The following GALNT13 variants were observed in gnomAD, a reference collection of about 807,000 sequenced individuals.
The protein encoded by GALNT13 is UDP-GalNAc:polypeptide N-acetylgalactosaminyltransferase 13.
A neutral mutation model predicts 64.2 loss-of-function variants in GALNT13; 28 were observed. The observed-to-expected ratio is 0.44, with a 90% CI of 0.32 to 0.60. GALNT13 has a LOEUF of 0.60. Ranked by LOEUF, GALNT13 falls within the 20% of genes least tolerant of loss-of-function variation. The pLI is 0.05. For missense variants in GALNT13, 577 were observed against 669.8 expected, an observed-to-expected ratio of 0.86 and a Z score of 1.53; for synonymous variants, 214 against 224.6, an observed-to-expected ratio of 0.95 and a Z score of 0.42.
chr2:153,585,599 G>A, the GALNT13 span, among the ~76,000 whole-genome samples: 2 of 152,088 alleles, frequency 1.3e-5, no homozygotes, highest in Non-Finnish European at 2.9e-5. Flanking sequence ...CAAATATAAT[G>A]TAAAAAACGA....
the GALNT13 span, among the ~76,000 whole-genome samples, chr2:153,391,732 G>GT: frequency 7.9e-5 from 12 of 151,558 alleles, no homozygotes; most frequent in South Asian, 2.1e-4. Flanking sequence ...TTCGAGAGGT[G>GT]TTTTTTTTAG....
At chr2:154,351,460 G>T (rs139673118) in intron 9 of GALNT13, among the ~76,000 whole-genome samples, 9,999 of 151,978 alleles carry the variant, frequency 0.066, 389 homozygotes, top group African/African-American at 0.088. Flanking sequence ...GAGACAGGCG[G>T]ATCACGAGGT....
intron 4 of GALNT13, among the ~76,000 whole-genome samples, chr2:154,233,074 A>G (rs946271328): frequency 4.6e-5 from 7 of 151,780 alleles, no homozygotes; most frequent in Non-Finnish European, 8.8e-5. Flanking sequence ...GAAAAGAAAA[A>G]AAGTACAAAT....
At chr2:153,537,945 A>T in the GALNT13 span, among the ~76,000 whole-genome samples, 1 of 152,168 alleles carries the variant, frequency 6.6e-6, no homozygotes, top group Non-Finnish European at 1.5e-5. Flanking sequence ...CTAATATACT[A>T]CATTGGTACC....
the GALNT13 span, among the ~76,000 whole-genome samples, chr2:153,083,624 G>A: frequency 1.3e-5 from 2 of 152,006 alleles, no homozygotes; most frequent in Non-Finnish European, 2.9e-5. Context: ...GTTTCCTGTA[G>A]ATTCTGGATA....
At chr2:153,417,511 G>A in the GALNT13 span, among the ~76,000 whole-genome samples, 1 of 152,202 alleles carries the variant, frequency 6.6e-6, no homozygotes, top group Non-Finnish European at 1.5e-5. Flanking sequence ...GCTTGGATGA[G>A]TCTGCCTGGG....
In GALNT13 at chr2:154,450,744, A is replaced by G. The variant is rs1006185403; in HGVS notation, c.*193A>G. 2 of 493,284 alleles carry G rather than the reference A, an allele frequency of 4.1e-6. No individual in the cohort carries two copies. Among genetic ancestry groups the G allele is most frequent in the Non-Finnish European group, 7.0e-6 (2 of 284,110 alleles). The allele number at this position is 493,284 out of a possible 1,614,324, so 30.6% of individuals were successfully genotyped here. A position where few individuals can be genotyped will look rare whatever the true frequency, so the allele number is the denominator to read the frequency against. Reference sequence around the variant, plus strand: ...TAAAATTTGTATCTGATCAAAGCACATAAGAATATAAATAATAGCAAACTA... The same window carrying G: ...TAAAATTTGTATCTGATCAAAGCACGTAAGAATATAAATAATAGCAAACTA... On this transcript the variant is annotated 3_prime_UTR_variant, in exon 13 of 13. Coordinates refer to ENST00000392825, the MANE Select transcript of GALNT13 (RefSeq NM_052917.4).
chr2:153,262,862 G>A, the GALNT13 span, among the ~76,000 whole-genome samples: 1 of 152,000 alleles, frequency 6.6e-6, no homozygotes, highest in South Asian at 2.1e-4. Context: ...TGGGAAAAAG[G>A]TGGAAGCATT....
chr2:153,650,272 G>T, the GALNT13 span, among the ~76,000 whole-genome samples: 1 of 152,154 alleles, frequency 6.6e-6, no homozygotes, highest in East Asian at 1.9e-4. Flanking sequence ...TTTTATCAGA[G>T]ACTAGGATTG....
chr2:153,814,961 A>T, the GALNT13 span, among the ~76,000 whole-genome samples: 25 of 152,246 alleles, frequency 1.6e-4, no homozygotes, highest in Admixed American at 2.6e-4. Context: ...CTGTCAAAAA[A>T]TTTTTCTGCA....
At chr2:154,014,670 TC>T (rs2105258946) in intron 3 of GALNT13, among the ~76,000 whole-genome samples, 1 of 132,606 alleles carries the variant, frequency 7.5e-6, no homozygotes, top group South Asian at 2.6e-4. Context: ...TCTTGTGCTT[TC>T]TCCCAGGCTG....
At chr2:153,790,868 TA>T in the GALNT13 span, among the ~76,000 whole-genome samples, 1 of 151,892 alleles carries the variant, frequency 6.6e-6, no homozygotes, top group African/African-American at 2.4e-5. Context: ...CAAAAAGAAA[TA>T]AAATACTTAG....
Position 154,374,326 on chromosome 2 carries a change from A to G in GALNT13, c.1157-21665A>G, listed in dbSNP as rs182346039. On this transcript the variant is annotated intron_variant, in intron 9 of 12. Coordinates refer to ENST00000392825, the MANE Select transcript of GALNT13 (RefSeq NM_052917.4). ...AAGTTGTGGTAGTTGTTGTTTTTCA[A>G]ATCTTAATTAAGCACTATTGCCTTT... Among the ~76,000 whole-genome samples the G allele has an allele frequency of 1.5e-3, 222 of 152,290 alleles. 2 individuals are homozygous for G. The highest frequency in any genetic ancestry group is 4.6e-3 in the African/African-American group (193 of 41,558).
intron 4 of GALNT13, among the ~76,000 whole-genome samples, chr2:154,205,702 G>A (rs1250787598): frequency 6.6e-6 from 1 of 152,114 alleles, no homozygotes; most frequent in Non-Finnish European, 1.5e-5. Context: ...GGCAAAGAGA[G>A]AGCTCTTTCA....
intron 3 of GALNT13, among the ~76,000 whole-genome samples, chr2:153,979,504 C>A (rs1024559491): frequency 6.6e-6 from 1 of 152,108 alleles, no homozygotes; most frequent in South Asian, 2.1e-4. Context: ...GACCTGAATA[C>A]ATATTCCTCT....
chr2:153,854,928 A>T, the GALNT13 span, among the ~76,000 whole-genome samples: 1 of 152,210 alleles, frequency 6.6e-6, no homozygotes, highest in African/African-American at 2.4e-5. Flanking sequence ...ATTAATTTTG[A>T]CAATGTGATA....
chr2:153,981,022 T>G (rs571801956), intron 3 of GALNT13, among the ~76,000 whole-genome samples: 1 of 152,146 alleles, frequency 6.6e-6, no homozygotes, highest in Non-Finnish European at 1.5e-5. Context: ...TATTCACGAA[T>G]GGAAACTGTC....
the GALNT13 span, among the ~76,000 whole-genome samples, chr2:153,336,159 C>G: frequency 6.6e-6 from 1 of 152,196 alleles, no homozygotes; most frequent in Non-Finnish European, 1.5e-5. Context: ...CCTGGGGAAC[C>G]TCTGCTAGGA....
chr2:153,965,433 T>C (rs1246411734), intron 3 of GALNT13, among the ~76,000 whole-genome samples: 1 of 152,122 alleles, frequency 6.6e-6, no homozygotes, highest in Non-Finnish European at 1.5e-5. Flanking sequence ...CAAATGTGAG[T>C]GAGAAAATTT....
Sources: gnomAD v4.1 joint callset for allele counts (sites outside exome capture counted in the v4.1 genomes callset) on GRCh38, gnomAD v4.1.1 for gene constraint, MANE v1.5 for transcripts, NCBI Gene and HGNC (gene_info 2026-07-23, HGNC 2026-07-21) for gene names.